The following EVI5 variants were observed in gnomAD, a reference collection of about 807,000 sequenced individuals.
EVI5 encodes ecotropic viral integration site 5.
In EVI5, 73 loss-of-function variants were observed where a neutral mutation model predicts 112.0. That is an observed-to-expected ratio of 0.65 (90% CI 0.54 to 0.79). EVI5 has a LOEUF of 0.79. Among genes scored for constraint, EVI5 ranks in the 30% least tolerant of loss-of-function variants. The pLI is 0.00. For synonymous variants in EVI5, 305 were observed against 319.9 expected, an observed-to-expected ratio of 0.95 and a Z score of 0.50; for missense variants, 900 against 968.8, an observed-to-expected ratio of 0.93 and a Z score of 0.94.
intron 1 of EVI5, among the ~76,000 whole-genome samples, chr1:92,783,822 A>AG (rs1685234968): frequency 1.6e-5 from 2 of 126,822 alleles, no homozygotes; most frequent in African/African-American, 5.1e-5. Flanking sequence ...AAAAAAAAAA[A>AG]AAAAGAAAAG....
intron 2 of EVI5, among the ~76,000 whole-genome samples, chr1:92,723,319 A>G (rs1675045702): frequency 6.6e-6 from 1 of 152,220 alleles, no homozygotes; most frequent in South Asian, 2.1e-4. Flanking sequence ...TTCTATTCAG[A>G]CTTCTTCCCA....
At chr1:92,647,370 G>C (rs1661176827) in intron 13 of EVI5, 1 of 261,004 alleles carries the variant, frequency 3.8e-6, no homozygotes, top group Admixed American at 3.7e-5. Flanking sequence ...TGTCTCTTTT[G>C]GAGACATGAA....
intron 1 of EVI5, among the ~76,000 whole-genome samples, chr1:92,771,116 A>G (rs541222165): frequency 6.6e-6 from 1 of 152,104 alleles, no homozygotes; most frequent in South Asian, 2.1e-4. Context: ...GCGCCTGGCG[A>G]GAAGTCTGTA....
chr1:92,552,937 T>C (rs933593783), intron 19 of EVI5, among the ~76,000 whole-genome samples: 2 of 152,160 alleles, frequency 1.3e-5, no homozygotes, highest in East Asian at 3.8e-4. Flanking sequence ...CCCCAGTTTC[T>C]TAATGAAATT....
intron 16 of EVI5, among the ~76,000 whole-genome samples, chr1:92,611,301 G>A (rs542349922): frequency 1.3e-5 from 2 of 152,002 alleles, no homozygotes; most frequent in Non-Finnish European, 2.9e-5. Context: ...GAAATGTCTA[G>A]CAGATATTTC....
intron 1 of EVI5, among the ~76,000 whole-genome samples, chr1:92,768,112 A>C (rs922348138): frequency 6.9e-6 from 1 of 144,434 alleles, no homozygotes; most frequent in Non-Finnish European, 1.5e-5. Context: ...ATATAAGCAA[A>C]TTTTTTATGC....
chr1:92,708,244 C>T (rs1303445644), intron 2 of EVI5, among the ~76,000 whole-genome samples: 1 of 151,724 alleles, frequency 6.6e-6, no homozygotes, highest in African/African-American at 2.4e-5. Flanking sequence ...ACTTGCGAAT[C>T]ATAAGGGACT....
At chr1:92,559,111 T>C (rs190914471) in intron 19 of EVI5, among the ~76,000 whole-genome samples, 172 of 152,312 alleles carry the variant, frequency 1.1e-3, no homozygotes, top group African/African-American at 4.0e-3. Context: ...AAATCATCTC[T>C]AGATAACTTA....
At chr1:92,548,662 A>T (rs1666230276) in intron 19 of EVI5, among the ~76,000 whole-genome samples, 1 of 152,232 alleles carries the variant, frequency 6.6e-6, no homozygotes, top group South Asian at 2.1e-4. Context: ...AGGATACAAA[A>T]TCAATGTGCA....
At chr1:92,514,257 G>C (rs905362603) in intron 19 of EVI5, among the ~76,000 whole-genome samples, 1 of 152,030 alleles carries the variant, frequency 6.6e-6, no homozygotes, top group Non-Finnish European at 1.5e-5. Flanking sequence ...AGGCTTAAGC[G>C]ATTCTCCCAC....
rs762042622 is a variant in EVI5, at chr1:92,513,965, C to T, written c.2172G>A (p.Arg724=). ...AGAAGCCCCTCTGGCCTTTTAGGCACCTGAGCTGTTAAAACAAAATCCAAG... is the reference window on the plus strand; with the variant it reads ...AGAAGCCCCTCTGGCCTTTTAGGCATCTGAGCTGTTAAAACAAAATCCAAG... ...DQIAELNHEL[R]CLKGQRGFSG... The change falls in exon 20 of 20, where the codon AGG becomes AGA. Residue 724 remains arginine (R), a synonymous_variant. Coordinates refer to ENST00000684568, the MANE Select transcript of EVI5 (RefSeq NM_001350197.2). 1.3e-6 allele frequency: 2 copies of T among 1,536,560 alleles called. No homozygotes were observed. Among genetic ancestry groups the T allele is most frequent in the Non-Finnish European group, 1.8e-6 (2 of 1,138,496 alleles).
At chr1:92,678,976 TC>T (rs143311613) in intron 9 of EVI5, among the ~76,000 whole-genome samples, 2,904 of 152,166 alleles carry the variant, frequency 0.019, 110 homozygotes, top group African/African-American at 0.066. Context: ...AAAACAGCAG[TC>T]CCCAACCCCT....
At chr1:92,544,814 C>A (rs1409181311) in intron 19 of EVI5, among the ~76,000 whole-genome samples, 2 of 152,236 alleles carry the variant, frequency 1.3e-5, no homozygotes, top group African/African-American at 2.4e-5. Flanking sequence ...GAGGTGCTCA[C>A]AGGCTGCTCA....
At chr1:92,792,319 A>T in intron 1 of EVI5, 1 of 1,497,780 alleles carries the variant, frequency 6.7e-7, no homozygotes, top group Non-Finnish European at 9.3e-7. Flanking sequence ...TTAATATAAA[A>T]TCAAACATCG....
At chr1:92,541,416 T>C (rs1664784473) in intron 19 of EVI5, among the ~76,000 whole-genome samples, 1 of 152,156 alleles carries the variant, frequency 6.6e-6, no homozygotes, top group Non-Finnish European at 1.5e-5. Context: ...ACCAGGAATG[T>C]ACATCAAAAC....
intron 2 of EVI5, among the ~76,000 whole-genome samples, chr1:92,724,350 C>T (rs1675225853): frequency 6.6e-6 from 1 of 152,144 alleles, no homozygotes; most frequent in Admixed American, 6.6e-5. Context: ...CGTTGAAATA[C>T]TGGGGGCTGG....
intron 19 of EVI5, among the ~76,000 whole-genome samples, chr1:92,557,895 T>C (rs562585386): frequency 4.6e-5 from 4 of 87,232 alleles, no homozygotes; most frequent in Non-Finnish European, 7.6e-5. Context: ...CAGCCAATTT[T>C]TGTATTTATT....
chr1:92,694,983 G>A (rs1398112713), intron 7 of EVI5, among the ~76,000 whole-genome samples: 2 of 152,148 alleles, frequency 1.3e-5, no homozygotes, highest in East Asian at 1.9e-4. Context: ...TATGAGTTAG[G>A]AGGTGATAAA....
intron 18 of EVI5, among the ~76,000 whole-genome samples, chr1:92,593,572 C>A (rs574375448): frequency 6.6e-6 from 1 of 152,124 alleles, no homozygotes; most frequent in Non-Finnish European, 1.5e-5. Context: ...CTGGCCAGGG[C>A]AATCAGGCAG....
Sources: gnomAD v4.1 joint callset for allele counts (sites outside exome capture counted in the v4.1 genomes callset) on GRCh38, gnomAD v4.1.1 for gene constraint, MANE v1.5 for transcripts, NCBI Gene and HGNC (gene_info 2026-07-23, HGNC 2026-07-21) for gene names.